FHIT: variants seen among roughly 807,000 people sequenced by gnomAD.
FHIT encodes bis(5'-adenosyl)-triphosphatase.
In FHIT, 19 loss-of-function variants were observed where a neutral mutation model predicts 17.9. The observed-to-expected ratio is 1.06, with a 90% CI of 0.74 to 1.56. FHIT has a LOEUF of 1.56. FHIT is among the 40% of genes most tolerant of loss of function. The probability of loss-of-function intolerance (pLI) is 0.00; values close to 1 mark genes in which losing one functional copy is unlikely to be tolerated. For missense variants in FHIT, 248 were observed against 189.2 expected (o/e 1.31, Z -1.82); for synonymous variants, 81 against 69.7 (o/e 1.16, Z -0.81).
At chr3:60,597,586 T>TA (rs2038310971) in intron 4 of FHIT, among the ~76,000 whole-genome samples, 1 of 152,096 alleles carries the variant, frequency 6.6e-6, no homozygotes, top group Non-Finnish European at 1.5e-5. Context: ...GTTCAGTCTC[T>TA]AGGAGGACCC....
intron 7 of FHIT, among the ~76,000 whole-genome samples, chr3:59,990,788 G>C (rs768933700): frequency 1.8e-4 from 27 of 152,100 alleles, no homozygotes; most frequent in Middle Eastern, 3.4e-3. Context: ...ACACTTAAGT[G>C]ATCTACTGGC....
intron 4 of FHIT, among the ~76,000 whole-genome samples, chr3:60,674,406 T>C (rs2040575812): frequency 6.6e-6 from 1 of 152,190 alleles, no homozygotes; most frequent in Non-Finnish European, 1.5e-5. Context: ...CTGTTTCTAT[T>C]TATTGCTTTT....
intron 5 of FHIT, among the ~76,000 whole-genome samples, chr3:60,290,186 T>C (rs891471281): frequency 6.6e-6 from 1 of 152,114 alleles, no homozygotes. Context: ...CTAGAAATGC[T>C]AGGAGATATT....
chr3:60,598,141 A>C (rs28414779), intron 4 of FHIT, among the ~76,000 whole-genome samples: 2,775 of 152,272 alleles, frequency 0.018, 101 homozygotes, highest in African/African-American at 0.064. Flanking sequence ...TCCAGCCTTC[A>C]TATTGGAGAG....
chr3:60,025,129 G>A (rs11130748), intron 5 of FHIT, among the ~76,000 whole-genome samples: 3,020 of 152,224 alleles, frequency 0.02, 102 homozygotes, highest in African/African-American at 0.068. Context: ...TTTGAGATAC[G>A]GTGGGTGGGA....
At chr3:60,946,878 C>T (rs1183458908) in intron 3 of FHIT, among the ~76,000 whole-genome samples, 1 of 152,170 alleles carries the variant, frequency 6.6e-6, no homozygotes, top group African/African-American at 2.4e-5. Context: ...ATATCTACGC[C>T]ATCCTATAAG....
At chr3:60,120,769 G>A (rs935611888) in intron 5 of FHIT, among the ~76,000 whole-genome samples, 1 of 152,150 alleles carries the variant, frequency 6.6e-6, no homozygotes, top group African/African-American at 2.4e-5. Flanking sequence ...GGATCCTAAA[G>A]ATGGTCCTGG....
At chr3:60,608,584 T>C (rs1052575795) in intron 4 of FHIT, among the ~76,000 whole-genome samples, 1 of 151,118 alleles carries the variant, frequency 6.6e-6, no homozygotes, top group Non-Finnish European at 1.5e-5. Flanking sequence ...TCCTTTATTT[T>C]TTTTCCCACC....
intron 5 of FHIT, among the ~76,000 whole-genome samples, chr3:60,413,622 C>G (rs1490170937): frequency 6.6e-6 from 1 of 151,348 alleles, no homozygotes; most frequent in Non-Finnish European, 1.5e-5. Flanking sequence ...GATTTGAAAG[C>G]TGCAAAGCAA....
intron 8 of FHIT, among the ~76,000 whole-genome samples, chr3:59,884,313 GCAGT>G (rs773383311): frequency 2.7e-4 from 41 of 152,198 alleles, no homozygotes; most frequent in Non-Finnish European, 5.4e-4. Flanking sequence ...TTTATAATAA[GCAGT>G]CAGATGTATG....
At chr3:60,532,977 A>G (rs2035842454) in intron 5 of FHIT, among the ~76,000 whole-genome samples, 1 of 152,138 alleles carries the variant, frequency 6.6e-6, no homozygotes, top group Non-Finnish European at 1.5e-5. Flanking sequence ...AGAAGTCATC[A>G]AACATACAAA....
intron 5 of FHIT, among the ~76,000 whole-genome samples, chr3:60,232,097 G>C (rs1704525500): frequency 6.6e-6 from 1 of 152,160 alleles, no homozygotes; most frequent in African/African-American, 2.4e-5. Context: ...ACTTGTAGTA[G>C]AAATGGTATG....
At chr3:60,122,118 A>T (rs1158368677) in intron 5 of FHIT, among the ~76,000 whole-genome samples, 1 of 152,088 alleles carries the variant, frequency 6.6e-6, no homozygotes, top group Non-Finnish European at 1.5e-5. Context: ...AACTAAAAAA[A>T]AACGCCTAGA....
At chr3:60,262,495 C>G (rs1014149071) in intron 5 of FHIT, among the ~76,000 whole-genome samples, 48 of 152,062 alleles carry the variant, frequency 3.2e-4, no homozygotes, top group African/African-American at 9.6e-4. Context: ...CTGAAGAGAA[C>G]TACCCTTCCC....
At chr3:60,447,671 A>T (rs923787563) in intron 5 of FHIT, among the ~76,000 whole-genome samples, 3 of 152,164 alleles carry the variant, frequency 2.0e-5, no homozygotes, top group Non-Finnish European at 4.4e-5. Context: ...TAATAAAAAA[A>T]ATCACAAGAC....
At chr3:60,444,379 A>G (rs1576664949) in intron 5 of FHIT, among the ~76,000 whole-genome samples, 1 of 152,206 alleles carries the variant, frequency 6.6e-6, no homozygotes. Context: ...ATGCTGCTAT[A>G]AAGACACGTG....
intron 2 of FHIT, among the ~76,000 whole-genome samples, chr3:61,078,331 G>A (rs1352247395): frequency 2.0e-5 from 3 of 152,086 alleles, no homozygotes; most frequent in African/African-American, 7.2e-5. Context: ...GGAAGTCTCA[G>A]GGGGATAAAC....
At chr3:60,291,428 C>A (rs1278584941) in intron 5 of FHIT, among the ~76,000 whole-genome samples, 1 of 151,748 alleles carries the variant, frequency 6.6e-6, no homozygotes, top group Non-Finnish European at 1.5e-5. Context: ...GCCATGTTGC[C>A]CGTTTCTTTA....
chr3:60,353,230 C>G lies in FHIT; in HGVS notation c.103+183630G>C, dbSNP rs1180778730. On this transcript the variant is annotated intron_variant, in intron 5 of 9. Transcript: ENST00000492590. ...CATGAAGCTGAATCCTCCACTGCTTCTCTAACTACCTCTTCCATCGGCCCT... is the reference window on the plus strand; with the variant it reads ...CATGAAGCTGAATCCTCCACTGCTTGTCTAACTACCTCTTCCATCGGCCCT... Among the ~76,000 whole-genome samples, 3 of 152,160 alleles carry G rather than the reference C, an allele frequency of 2.0e-5. No homozygotes were observed. In the East Asian group the frequency reaches 5.8e-4, roughly 29 times the overall value.
Sources: gnomAD v4.1 joint callset for allele counts (sites outside exome capture counted in the v4.1 genomes callset) on GRCh38, gnomAD v4.1.1 for gene constraint, MANE v1.5 for transcripts, NCBI Gene and HGNC (gene_info 2026-07-23, HGNC 2026-07-21) for gene names.